The following SNTG1 variants were observed in gnomAD, a reference collection of about 807,000 sequenced individuals.
The protein encoded by SNTG1 is syntrophin gamma 1, also known as gamma-1-syntrophin.
SNTG1 carries 39 observed loss-of-function variants against 74.7 expected under a neutral mutation model. The observed-to-expected ratio is 0.52, with a 90% CI of 0.40 to 0.68. The LOEUF is 0.68. SNTG1 is among the 30% of genes least tolerant of loss of function. The pLI is 0.00. For synonymous variants in SNTG1, 254 were observed against 217.1 expected, an observed-to-expected ratio of 1.17 and a Z score of -1.49; for missense variants, 685 against 609.5, an observed-to-expected ratio of 1.12 and a Z score of -1.30.
rs2093976196 is a variant in SNTG1 at position 50,502,977 on chromosome 8, AT to A, written c.466+102del. On this transcript the variant is annotated intron_variant, in intron 9 of 18. Transcript: ENST00000642720. The stretch of plus-strand genomic sequence containing the variant: ...TTGGTGATTTCTTCTTAAAGTTGAG[AT>A]TTTTGCCTGACTGTAAACATTTTTA... 3.9e-6 allele frequency: 4 copies of A among 1,024,878 alleles called. No individual in the cohort carries two copies. The Admixed American group carries it at 7.2e-5, about 18-fold the overall frequency. 63.5% of individuals were successfully genotyped at this position (1,024,878 alleles called of 1,614,324 possible).
chr8:50,562,257 AG>A (rs2094492865), intron 12 of SNTG1, among the ~76,000 whole-genome samples: 1 of 152,234 alleles, frequency 6.6e-6, no homozygotes, highest in African/African-American at 2.4e-5. Flanking sequence ...ATGGCAATAG[AG>A]AATTAAGGTT....
intron 1 of SNTG1, among the ~76,000 whole-genome samples, chr8:50,006,957 C>T (rs1815298970): frequency 6.6e-6 from 1 of 152,038 alleles, no homozygotes; most frequent in Non-Finnish European, 1.5e-5. Context: ...AGTCTTAGGC[C>T]CTAGGGGACT....
At chr8:50,333,113 A>G (rs879811542) in intron 2 of SNTG1, among the ~76,000 whole-genome samples, 2 of 152,260 alleles carry the variant, frequency 1.3e-5, no homozygotes, top group Admixed American at 1.3e-4. Flanking sequence ...TAAAAACGTA[A>G]TATATACTCA....
intron 1 of SNTG1, among the ~76,000 whole-genome samples, chr8:49,917,828 C>A (rs1041958314): frequency 6.6e-6 from 1 of 152,168 alleles, no homozygotes; most frequent in East Asian, 1.9e-4. Context: ...GGGAGGCTAG[C>A]CAGTGAGATC....
At chr8:50,217,066 C>A (rs1425133013) in intron 2 of SNTG1, among the ~76,000 whole-genome samples, 1 of 151,378 alleles carries the variant, frequency 6.6e-6, no homozygotes, top group Non-Finnish European at 1.5e-5. Context: ...AATGGGCTGA[C>A]AAACAAATGA....
At chr8:50,337,862 C>T (rs898799787) in intron 2 of SNTG1, among the ~76,000 whole-genome samples, 4 of 152,146 alleles carry the variant, frequency 2.6e-5, no homozygotes, top group African/African-American at 7.2e-5. Context: ...TTAGGCCGGG[C>T]GCAGTGGCTC....
intron 1 of SNTG1, among the ~76,000 whole-genome samples, chr8:49,935,644 G>C (rs1312171376): frequency 6.6e-6 from 1 of 152,010 alleles, no homozygotes; most frequent in Non-Finnish European, 1.5e-5. Context: ...TCAAACAAAG[G>C]TTTGTAGAAC....
At chr8:50,605,568 C>A (rs1443236254) in intron 13 of SNTG1, among the ~76,000 whole-genome samples, 2 of 151,592 alleles carry the variant, frequency 1.3e-5, no homozygotes, top group Non-Finnish European at 2.9e-5. Context: ...CTAGTCTTCC[C>A]CCAAGTGCAC....
intron 13 of SNTG1, among the ~76,000 whole-genome samples, chr8:50,620,394 C>T (rs1445143634): frequency 6.6e-6 from 1 of 152,176 alleles, no homozygotes; most frequent in African/African-American, 2.4e-5. Flanking sequence ...AGGGTCATGT[C>T]AGCAGCACAA....
At chr8:50,245,589 A>G (rs2086360681) in intron 2 of SNTG1, among the ~76,000 whole-genome samples, 1 of 152,166 alleles carries the variant, frequency 6.6e-6, no homozygotes, top group Non-Finnish European at 1.5e-5. Flanking sequence ...AGGCTGAGGC[A>G]GGAGAATCCC....
intron 2 of SNTG1, among the ~76,000 whole-genome samples, chr8:50,276,480 T>C (rs1312139812): frequency 6.6e-6 from 1 of 151,560 alleles, no homozygotes; most frequent in African/African-American, 2.4e-5. Flanking sequence ...GTAATATACC[T>C]AGAAGGCAAT....
intron 13 of SNTG1, among the ~76,000 whole-genome samples, chr8:50,639,285 T>A (rs1170789783): frequency 6.6e-6 from 1 of 151,956 alleles, no homozygotes; most frequent in Non-Finnish European, 1.5e-5. Flanking sequence ...TCTTTACTCA[T>A]TGGCTTTTAC....
intron 11 of SNTG1, among the ~76,000 whole-genome samples, chr8:50,548,607 C>T (rs1367052143): frequency 7.0e-6 from 1 of 142,124 alleles, no homozygotes; most frequent in South Asian, 2.3e-4. Context: ...ATGGCTTTTC[C>T]TTCAAGGAGC....
At position 50,656,996 on chromosome 8, in the gene SNTG1, T is replaced by C; in HGVS notation, c.937T>C (p.Ser313Pro). 1 of 1,572,620 alleles carries C rather than the reference T, an allele frequency of 6.4e-7. No individual in the cohort carries two copies. Among genetic ancestry groups the C allele is most frequent in the Non-Finnish European group, 8.6e-7 (1 of 1,162,064 alleles). Residue 313 changes from serine to proline, a missense_variant, in exon 14 of 19, where the codon TCA (serine) becomes CCA (proline). Physicochemically the swap from Ser to Pro is moderately conservative, Grantham distance 74 (BLOSUM62 -1). Transcript: ENST00000642720. ...YSPTFLALRGSCLYKFLAPPV... is the reference protein window; with the variant it reads ...YSPTFLALRGPCLYKFLAPPV... ...CCCGACCTTCCTGGCCCTGAGGGGC[T>C]CATGTCTCTACAAGTTTCTGGCACC...
rs543818632 is a variant in SNTG1 at position 50,796,688 on chromosome 8, C to T, written c.*3859C>T. On this transcript the variant is annotated 3_prime_UTR_variant, in exon 19 of 19. Coordinates refer to ENST00000642720, the MANE Select transcript of SNTG1 (RefSeq NM_018967.5). ...GGAAAATAAAAACAAATACTTTTTA[C>T]TAGATTTGGGTTTTCATTTCTTTGG... 1.3e-5 allele frequency: 2 copies of T among 151,952 alleles called. No individual in the cohort carries two copies. The highest frequency in any genetic ancestry group is 6.6e-5 in the Admixed American group (1 of 15,244). The allele number at this position is 151,952 out of a possible 1,614,324, so 9.4% of individuals were successfully genotyped here. A position where few individuals can be genotyped will look rare whatever the true frequency, so the allele number is the denominator to read the frequency against.
intron 12 of SNTG1, among the ~76,000 whole-genome samples, chr8:50,559,719 A>G (rs925822626): frequency 6.6e-6 from 1 of 152,172 alleles, no homozygotes; most frequent in East Asian, 1.9e-4. Context: ...TTATACAAAA[A>G]TTAACTCAAG....
intron 15 of SNTG1, among the ~76,000 whole-genome samples, chr8:50,669,493 A>T (rs567093934): frequency 6.6e-6 from 1 of 152,292 alleles, no homozygotes; most frequent in Admixed American, 6.5e-5. Context: ...TAAACCAGGA[A>T]GAAGTTGAAT....
intron 1 of SNTG1, among the ~76,000 whole-genome samples, chr8:50,102,617 G>A (rs1312073454): frequency 1.2e-4 from 18 of 148,894 alleles, no homozygotes; most frequent in Admixed American, 4.0e-4. Context: ...TGGTGTTTTA[G>A]ACATGAAGTC....
intron 15 of SNTG1, among the ~76,000 whole-genome samples, chr8:50,677,388 A>G (rs780159484): frequency 6.6e-6 from 1 of 151,998 alleles, no homozygotes; most frequent in Non-Finnish European, 1.5e-5. Flanking sequence ...AAAATTTTAT[A>G]TGGACACCCA....
Sources: gnomAD v4.1 joint callset for allele counts (sites outside exome capture counted in the v4.1 genomes callset) on GRCh38, gnomAD v4.1.1 for gene constraint, MANE v1.5 for transcripts, NCBI Gene and HGNC (gene_info 2026-07-23, HGNC 2026-07-21) for gene names.